FAM163A: variants seen among roughly 807,000 people sequenced by gnomAD.
FAM163A encodes the protein protein FAM163A.
In FAM163A, 7 loss-of-function variants were observed where a neutral mutation model predicts 12.0. The ratio of observed to expected loss-of-function variants is 0.58; its 90% CI spans 0.33 to 1.10. The LOEUF (loss-of-function observed/expected upper bound fraction) is 1.10, where lower values mean the gene tolerates loss of function less well. Among genes scored for constraint, FAM163A ranks in the 50% least tolerant of loss-of-function variants. The probability of loss-of-function intolerance (pLI) is 0.03; values close to 1 mark genes in which losing one functional copy is unlikely to be tolerated. For synonymous variants in FAM163A, 101 were observed against 91.0 expected, an observed-to-expected ratio of 1.11 and a Z score of -0.62; for missense variants, 202 against 218.6, an observed-to-expected ratio of 0.92 and a Z score of 0.48.
At chr1:179,783,735 TGAGCCC>T (rs1557940105) in intron 1 of FAM163A, among the ~76,000 whole-genome samples, 1,038 of 66,992 alleles carry the variant, frequency 0.015, 100 homozygotes, top group African/African-American at 0.06. Flanking sequence ...TTTATATAAT[TGAGCCC>T]AAATATTATA....
Position 179,815,676 on chromosome 1 carries a change from G to C in FAM163A, c.*1487G>C, listed in dbSNP as rs1388390682. 1 of 152,184 alleles carries C rather than the reference G, an allele frequency of 6.6e-6. No individual in the cohort carries two copies. Among genetic ancestry groups the C allele is most frequent in the African/African-American group, 2.4e-5 (1 of 41,416 alleles). 9.4% of individuals were successfully genotyped at this position (152,184 alleles called of 1,614,324 possible). ...TCTGCAGAAGCTGGCCCCCTTCTAA[G>C]GGCATAGCTAACCCCCTTCCCACTC... On this transcript the variant is annotated 3_prime_UTR_variant, in exon 5 of 5. Transcript: ENST00000341785.
upstream of FAM163A, among the ~76,000 whole-genome samples, chr1:179,739,619 A>G (rs866585208): frequency 1.4e-4 from 21 of 152,146 alleles, no homozygotes; most frequent in African/African-American, 4.8e-4. Flanking sequence ...TCTTCTTCCA[A>G]TGTGGCCCAG....
chr1:179,737,660 T>G, the FAM163A span, among the ~76,000 whole-genome samples: 4 of 151,836 alleles, frequency 2.6e-5, no homozygotes, highest in Non-Finnish European at 4.4e-5. Context: ...ACGGTGAAAC[T>G]CCGTCTCTAC....
chr1:179,752,563 T>G (rs1298565440), intron 1 of FAM163A, among the ~76,000 whole-genome samples: 2 of 151,024 alleles, frequency 1.3e-5, no homozygotes, highest in African/African-American at 4.9e-5. Context: ...TGATCAGGGG[T>G]TAATTTCCAA....
intron 1 of FAM163A, among the ~76,000 whole-genome samples, chr1:179,778,335 G>T (rs1244614712): frequency 6.6e-6 from 1 of 152,152 alleles, no homozygotes; most frequent in Non-Finnish European, 1.5e-5. Flanking sequence ...AAATGGGTGA[G>T]CCCAAGGCCT....
At chr1:179,813,687 A>G in intron 4 of FAM163A, 92 bp from the exon 5 acceptor site, 1 of 1,441,190 alleles carries the variant, frequency 6.9e-7, no homozygotes, top group Middle Eastern at 2.0e-4. Flanking sequence ...TTCTCCATGG[A>G]GCAGGGGACA....
intron 1 of FAM163A, among the ~76,000 whole-genome samples, chr1:179,744,779 G>C (rs557860153): frequency 6.6e-6 from 1 of 152,314 alleles, no homozygotes; most frequent in South Asian, 2.1e-4. Flanking sequence ...CGAGGGGGCC[G>C]CAGCGTGGCT....
At chr1:179,763,550 G>A (rs1183114541) in intron 1 of FAM163A, among the ~76,000 whole-genome samples, 1 of 152,218 alleles carries the variant, frequency 6.6e-6, no homozygotes, top group African/African-American at 2.4e-5. Flanking sequence ...CAGCTGGGAT[G>A]CACTCTGCTT....
At chr1:179,777,584 T>C (rs1689152991) in intron 1 of FAM163A, among the ~76,000 whole-genome samples, 1 of 152,100 alleles carries the variant, frequency 6.6e-6, no homozygotes, top group African/African-American at 2.4e-5. Flanking sequence ...GCCAGAAAAC[T>C]GAAGGTTTGA....
chr1:179,752,959 G>C (rs1424333002), intron 1 of FAM163A, among the ~76,000 whole-genome samples: 1 of 152,022 alleles, frequency 6.6e-6, no homozygotes, highest in Non-Finnish European at 1.5e-5. Flanking sequence ...TTATCCAAAA[G>C]AATTAAAATA....
At chr1:179,733,914 C>T in the FAM163A span, among the ~76,000 whole-genome samples, 3 of 152,182 alleles carry the variant, frequency 2.0e-5, no homozygotes, top group Non-Finnish European at 4.4e-5. Context: ...CCTCCTATCC[C>T]AGGAATAACA....
intron 1 of FAM163A, among the ~76,000 whole-genome samples, chr1:179,760,121 C>G (rs1490528788): frequency 6.6e-6 from 1 of 152,158 alleles, no homozygotes; most frequent in Non-Finnish European, 1.5e-5. Flanking sequence ...TATGGCGGTC[C>G]AGGCGAGAGT....
intron 1 of FAM163A, among the ~76,000 whole-genome samples, chr1:179,782,157 A>ATG (rs1689862351): frequency 6.6e-6 from 1 of 152,106 alleles, no homozygotes; most frequent in African/African-American, 2.4e-5. Flanking sequence ...TGGAGTGAGC[A>ATG]TGCCGGACAA....
At chr1:179,792,810 G>A (rs751543391) in intron 1 of FAM163A, among the ~76,000 whole-genome samples, 1 of 152,038 alleles carries the variant, frequency 6.6e-6, no homozygotes, top group Non-Finnish European at 1.5e-5. Context: ...ATTTGGTGCT[G>A]AGATAGAAAA....
intron 1 of FAM163A, among the ~76,000 whole-genome samples, chr1:179,756,584 C>CT (rs1367699764): frequency 1.3e-5 from 2 of 152,272 alleles, no homozygotes; most frequent in East Asian, 3.9e-4. Context: ...TTTGGGATAT[C>CT]TAAGAATACA....
chr1:179,759,089 G>C (rs1686438437), intron 1 of FAM163A, among the ~76,000 whole-genome samples: 1 of 152,214 alleles, frequency 6.6e-6, no homozygotes. Context: ...GTATAGTGTA[G>C]AGTAGGGTTT....
At chr1:179,782,485 C>T (rs1237693238) in intron 1 of FAM163A, among the ~76,000 whole-genome samples, 1 of 151,020 alleles carries the variant, frequency 6.6e-6, no homozygotes, top group Non-Finnish European at 1.5e-5. Flanking sequence ...GCAAGCAGGA[C>T]GGGATGGAGA....
In FAM163A at chr1:179,813,826, G is replaced by A. The variant is rs2148388673; in HGVS notation, c.141G>A (p.Glu47=). The A allele has an allele frequency of 6.2e-7, 1 of 1,614,046 alleles. No individual in the cohort carries two copies. Among genetic ancestry groups the A allele is most frequent in the East Asian group, 2.2e-5 (1 of 44,874 alleles). The change falls in exon 5 of 5, where the codon GAG becomes GAA. Residue 47 remains glutamate, a synonymous_variant. Transcript: ENST00000341785. ...GAACCGAGGTTGCAGACGAGGAGGA[G>A]GAGCGGGAGCACGACCTTCCCACGC... ...KSGTEVADEE[E]EREHDLPTHP... is the part of the protein sequence containing the mutation.
At chr1:179,775,880 G>A (rs1241521891) in intron 1 of FAM163A, among the ~76,000 whole-genome samples, 1 of 152,170 alleles carries the variant, frequency 6.6e-6, no homozygotes, top group Non-Finnish European at 1.5e-5. Flanking sequence ...ACTCTGTTGA[G>A]GTGAGGCTGA....
Sources: gnomAD v4.1 joint callset for allele counts (sites outside exome capture counted in the v4.1 genomes callset) on GRCh38, gnomAD v4.1.1 for gene constraint, MANE v1.5 for transcripts, NCBI Gene and HGNC (gene_info 2026-07-23, HGNC 2026-07-21) for gene names.